Variants in PANX1 observed in about 807,000 individuals in gnomAD.
The protein encoded by PANX1 is pannexin 1.
A neutral mutation model predicts 38.7 loss-of-function variants in PANX1; 30 were observed. The ratio of observed to expected loss-of-function variants is 0.78; its 90% CI spans 0.58 to 1.05. The LOEUF is 1.05. PANX1 is among the 50% of genes least tolerant of loss of function. The pLI, the probability that PANX1 is intolerant of heterozygous loss-of-function variation, is 0.00. For missense variants in PANX1, 551 were observed against 517.2 expected (o/e 1.07, Z -0.63); for synonymous variants, 230 against 212.2 (o/e 1.08, Z -0.73).
intron 1 of PANX1, among the ~76,000 whole-genome samples, chr11:94,137,060 C>T (rs1432749460): frequency 6.6e-6 from 1 of 152,116 alleles, no homozygotes; most frequent in African/African-American, 2.4e-5. Flanking sequence ...AATCCCAGCA[C>T]TTTGGGAGGC....
intron 2 of PANX1, among the ~76,000 whole-genome samples, chr11:94,161,582 A>G (rs1414236919): frequency 6.6e-6 from 1 of 152,076 alleles, no homozygotes; most frequent in Non-Finnish European, 1.5e-5. Context: ...CAGGTCCTTT[A>G]AGGACTTCTC....
intron 4 of PANX1, among the ~76,000 whole-genome samples, chr11:94,180,574 T>C (rs1947294430): frequency 6.6e-6 from 1 of 152,344 alleles, no homozygotes; most frequent in South Asian, 2.1e-4. Flanking sequence ...TTTTGTCTTA[T>C]CTTACTGGCT....
intron 2 of PANX1, among the ~76,000 whole-genome samples, chr11:94,175,162 A>G (rs1009457572): frequency 6.6e-6 from 1 of 151,670 alleles, no homozygotes; most frequent in Non-Finnish European, 1.5e-5. Flanking sequence ...CATATTTCTT[A>G]TTTGAAATTA....
At chr11:94,176,013 A>T in intron 2 of PANX1, 4 of 432,578 alleles carry the variant, frequency 9.2e-6, no homozygotes, top group Non-Finnish European at 1.2e-5. Flanking sequence ...AGGAAAATAT[A>T]TGACAGCTTT....
rs185702356 is a variant in PANX1, at chr11:94,151,811, T to C, written c.182-1680T>C. 2.4e-3 allele frequency among the ~76,000 whole-genome samples: 373 copies of C among 152,332 alleles called. 1 individual carries two copies. The highest frequency in any genetic ancestry group is 3.5e-3 in the Non-Finnish European group (241 of 68,024). On this transcript the variant is annotated intron_variant, in intron 1 of 4. Transcript: ENST00000227638. Reference sequence around the variant, plus strand: ...TTCTTGAATGGCAAGAACTACCCCATTATAGAACACTTGCTGATGTTTGTG... The same window carrying C: ...TTCTTGAATGGCAAGAACTACCCCACTATAGAACACTTGCTGATGTTTGTG...
intron 2 of PANX1, among the ~76,000 whole-genome samples, chr11:94,160,206 G>C (rs1947008112): frequency 6.6e-6 from 1 of 152,184 alleles, no homozygotes; most frequent in Non-Finnish European, 1.5e-5. Flanking sequence ...ATATTCTGTT[G>C]ATTTGGGGTG....
At chr11:94,131,360 T>C (rs575831740) in intron 1 of PANX1, among the ~76,000 whole-genome samples, 2 of 152,348 alleles carry the variant, frequency 1.3e-5, no homozygotes, top group East Asian at 3.9e-4. Context: ...TGGTTTTAAC[T>C]AGCAAGAGTT....
intron 1 of PANX1, among the ~76,000 whole-genome samples, chr11:94,148,914 G>T (rs920074695): frequency 3.3e-5 from 5 of 151,852 alleles, no homozygotes; most frequent in Non-Finnish European, 7.4e-5. Context: ...AATAATTTAT[G>T]CCTTTCACCT....
chr11:94,167,848 A>G (rs1347348575), intron 2 of PANX1, among the ~76,000 whole-genome samples: 1 of 152,226 alleles, frequency 6.6e-6, no homozygotes, highest in Admixed American at 6.5e-5. Flanking sequence ...AGTGGAAAAA[A>G]TAAACATGGA....
chr11:94,165,873 A>G (rs1001093970), intron 2 of PANX1, among the ~76,000 whole-genome samples: 1 of 152,180 alleles, frequency 6.6e-6, no homozygotes, highest in Admixed American at 6.5e-5. Context: ...AGATCGCACC[A>G]TTGCACTCCA....
chr11:94,137,275 G>A (rs1379886792), intron 1 of PANX1, among the ~76,000 whole-genome samples: 1 of 152,024 alleles, frequency 6.6e-6, no homozygotes, highest in Non-Finnish European at 1.5e-5. Context: ...CTGTACTCCA[G>A]CCTGGCGACA....
intron 1 of PANX1, among the ~76,000 whole-genome samples, chr11:94,134,853 C>G (rs1371937951): frequency 1.3e-5 from 2 of 152,184 alleles, no homozygotes; most frequent in Non-Finnish European, 2.9e-5. Flanking sequence ...TGATCTTGAA[C>G]TTCCCAGGCT....
At chr11:94,169,221 T>C (rs1223801220) in intron 2 of PANX1, among the ~76,000 whole-genome samples, 5 of 151,532 alleles carry the variant, frequency 3.3e-5, no homozygotes, top group Non-Finnish European at 7.4e-5. Context: ...GTCTGAGGGC[T>C]GCTCCAACAT....
intron 2 of PANX1, among the ~76,000 whole-genome samples, chr11:94,156,179 T>C (rs1047369063): frequency 6.6e-6 from 1 of 152,182 alleles, no homozygotes; most frequent in African/African-American, 2.4e-5. Flanking sequence ...GGATCTAGCC[T>C]AAAGGTTATA....
At chr11:94,155,350 CAA>C (rs34215722) in intron 2 of PANX1, among the ~76,000 whole-genome samples, 5,684 of 101,386 alleles carry the variant, frequency 0.056, 390 homozygotes, top group African/African-American at 0.18. Context: ...AACTCCATCT[CAA>C]AAAAAAAAAA....
intron 1 of PANX1, among the ~76,000 whole-genome samples, chr11:94,147,566 G>T (rs1591510569): frequency 6.6e-6 from 1 of 152,140 alleles, no homozygotes; most frequent in Non-Finnish European, 1.5e-5. Flanking sequence ...GTGGTTGCTT[G>T]TGGCTGTCAT....
intron 1 of PANX1, among the ~76,000 whole-genome samples, chr11:94,142,593 A>G (rs1198439445): frequency 6.6e-6 from 1 of 152,174 alleles, no homozygotes; most frequent in African/African-American, 2.4e-5. Context: ...AACATTTGTC[A>G]TGGTTCAGTC....
In PANX1 at chr11:94,161,549, C is replaced by T. The variant is rs188280504; in HGVS notation, c.321+7919C>T. On this transcript the variant is annotated intron_variant, in intron 2 of 4. Coordinates refer to ENST00000227638, the MANE Select transcript of PANX1 (RefSeq NM_015368.4). ...GCTTGTGCATTTGTCAGGTAGTTCT[C>T]GTGCCGTGGTTTTCAGCTCCATCAG... Among the ~76,000 whole-genome samples the T allele has an allele frequency of 2.6e-3, 393 of 152,296 alleles. 7 individuals carry two copies. Among genetic ancestry groups the T allele is most frequent in the Middle Eastern group, 0.017 (5 of 294 alleles).
At chr11:94,156,689 C>G (rs902549292) in intron 2 of PANX1, among the ~76,000 whole-genome samples, 4 of 149,110 alleles carry the variant, frequency 2.7e-5, no homozygotes, top group South Asian at 2.1e-4. Context: ...TATCATTCAT[C>G]TTTTTTTAAA....
Sources: allele counts gnomAD v4.1 joint callset (sites outside exome capture counted in the v4.1 genomes callset), GRCh38; gene constraint gnomAD v4.1.1; transcripts MANE v1.5; gene names NCBI Gene and HGNC (gene_info 2026-07-23, HGNC 2026-07-21).